Variants in RARB observed in about 807,000 individuals in gnomAD.
The protein encoded by RARB is HBV-activated protein.
A neutral mutation model predicts 51.9 loss-of-function variants in RARB; 17 were observed. That is an observed-to-expected ratio of 0.33 (90% CI 0.22 to 0.49). The LOEUF is 0.49. Among genes scored for constraint, RARB ranks in the 20% least tolerant of loss-of-function variants. The pLI is 0.99. For synonymous variants in RARB, 215 were observed against 195.4 expected, an observed-to-expected ratio of 1.10 and a Z score of -0.84; for missense variants, 369 against 550.8, an observed-to-expected ratio of 0.67 and a Z score of 3.30.
chr3:25,444,127 A>T (rs1708825860), intron 1 of RARB, among the ~76,000 whole-genome samples: 1 of 152,130 alleles, frequency 6.6e-6, no homozygotes, highest in African/African-American at 2.4e-5. Flanking sequence ...GAACCATGTC[A>T]TCTAGTCCTC....
chr3:25,300,272 A>G (rs1300773231), intron 5 of RARB, among the ~76,000 whole-genome samples: 1 of 152,220 alleles, frequency 6.6e-6, no homozygotes, highest in Non-Finnish European at 1.5e-5. Flanking sequence ...CTCAATGTGG[A>G]AAAATGAGTA....
intron 4 of RARB, among the ~76,000 whole-genome samples, chr3:25,146,492 G>GTTTTTTTTTTTTTTTTTTTT: frequency 7.9e-6 from 1 of 126,258 alleles, no homozygotes; most frequent in Non-Finnish European, 1.7e-5. Context: ...AATTTGCTAA[G>GTTTTTTTTTTTTTTTTTTTT]TTTTTTGTTT....
intron 2 of RARB, among the ~76,000 whole-genome samples, chr3:24,873,087 G>T (rs970530689): frequency 7.9e-5 from 12 of 152,190 alleles, no homozygotes; most frequent in African/African-American, 2.9e-4. Flanking sequence ...AAAAAGTGGG[G>T]CTATATTCCA....
At chr3:25,216,354 G>C (rs1400892960) in intron 5 of RARB, among the ~76,000 whole-genome samples, 1 of 152,020 alleles carries the variant, frequency 6.6e-6, no homozygotes, top group Non-Finnish European at 1.5e-5. Context: ...TTTATTGATA[G>C]ACTGGATAAA....
At chr3:25,013,015 A>G (rs1033763463) in intron 2 of RARB, among the ~76,000 whole-genome samples, 1 of 152,082 alleles carries the variant, frequency 6.6e-6, no homozygotes, top group Non-Finnish European at 1.5e-5. Context: ...CTATGGAGAA[A>G]GGGTAGATGC....
chr3:25,209,149 T>A (rs1235675932), intron 5 of RARB, among the ~76,000 whole-genome samples: 1 of 152,218 alleles, frequency 6.6e-6, no homozygotes, highest in Non-Finnish European at 1.5e-5. Context: ...AACTTGGCTT[T>A]GCGTTTTCAT....
At chr3:25,270,222 G>C (rs1163241428) in intron 5 of RARB, among the ~76,000 whole-genome samples, 1 of 152,132 alleles carries the variant, frequency 6.6e-6, no homozygotes, top group Non-Finnish European at 1.5e-5. Context: ...CCAAAAGTTG[G>C]AGTAATCCAA....
intron 5 of RARB, among the ~76,000 whole-genome samples, chr3:25,374,737 A>G (rs1020937050): frequency 6.6e-6 from 1 of 152,172 alleles, no homozygotes; most frequent in Non-Finnish European, 1.5e-5. Flanking sequence ...GCCATCCTCC[A>G]TTGGCTCCCT....
At chr3:25,030,640 T>G (rs1697851715) in intron 2 of RARB, among the ~76,000 whole-genome samples, 1 of 152,086 alleles carries the variant, frequency 6.6e-6, no homozygotes, top group South Asian at 2.1e-4. Context: ...AGAGCAGGAG[T>G]GCCTAAAAGA....
chr3:24,937,271 T>C (rs1695565504), intron 2 of RARB, among the ~76,000 whole-genome samples: 1 of 152,158 alleles, frequency 6.6e-6, no homozygotes, highest in Non-Finnish European at 1.5e-5. Flanking sequence ...TAGTTGCTAC[T>C]CAATTTGGTT....
At chr3:25,213,098 C>T (rs1701738873) in intron 5 of RARB, among the ~76,000 whole-genome samples, 2 of 152,148 alleles carry the variant, frequency 1.3e-5, no homozygotes, top group South Asian at 4.2e-4. Context: ...ATGAAGCATG[C>T]CATCCATATA....
At chr3:25,322,741 A>AG (rs1704608207) in intron 5 of RARB, among the ~76,000 whole-genome samples, 1 of 152,118 alleles carries the variant, frequency 6.6e-6, no homozygotes, top group Non-Finnish European at 1.5e-5. Flanking sequence ...TTTAAGATAA[A>AG]CACTACTTTA....
At chr3:24,981,502 TC>T (rs555924710) in intron 2 of RARB, among the ~76,000 whole-genome samples, 129 of 151,918 alleles carry the variant, frequency 8.5e-4, no homozygotes, top group African/African-American at 3.0e-3. Context: ...TGGACGCCCC[TC>T]CCCCCACCAC....
chr3:25,261,177 G>A (rs1252890414), intron 5 of RARB, among the ~76,000 whole-genome samples: 1 of 152,080 alleles, frequency 6.6e-6, no homozygotes, highest in Non-Finnish European at 1.5e-5. Flanking sequence ...CTCAAGAAGT[G>A]CTAGTTGCTA....
At chr3:24,938,752 C>T (rs986716800) in intron 2 of RARB, among the ~76,000 whole-genome samples, 3 of 152,140 alleles carry the variant, frequency 2.0e-5, no homozygotes, top group African/African-American at 7.2e-5. Flanking sequence ...TGGTAATTTT[C>T]ATTCTGTTCT....
In RARB at chr3:25,198,263, A is replaced by G. The variant is rs138161411; in HGVS notation, c.178+23688A>G. ...TAGACCCCTTCTCTTACCATATACA[A>G]AAATGATATCAAACTGGATTAAAGA... On this transcript the variant is annotated intron_variant, in intron 5 of 11. Transcript: ENST00000383772. Among the ~76,000 whole-genome samples, 58 of 152,234 alleles carry G rather than the reference A, an allele frequency of 3.8e-4. No homozygotes were observed. The East Asian group carries it at 9.1e-3, about 24-fold the overall frequency.
intron 3 of RARB, among the ~76,000 whole-genome samples, chr3:25,094,833 C>T (rs2125318489): frequency 6.6e-6 from 1 of 151,694 alleles, no homozygotes; most frequent in Non-Finnish European, 1.5e-5. Context: ...TGCCAAAGCT[C>T]TGGCCTTTCA....
At chr3:25,531,041 G>A (rs1292743119) in intron 3 of RARB, among the ~76,000 whole-genome samples, 2 of 152,162 alleles carry the variant, frequency 1.3e-5, no homozygotes, top group Admixed American at 1.3e-4. Context: ...AAACACAGGT[G>A]GAGAAATAGA....
chr3:24,926,724 A>G (rs1019126102), intron 2 of RARB, among the ~76,000 whole-genome samples: 12 of 152,024 alleles, frequency 7.9e-5, no homozygotes, highest in Non-Finnish European at 1.2e-4. Flanking sequence ...ACAGGCATAT[A>G]TAAATATATA....
Sources: allele counts gnomAD v4.1 joint callset (sites outside exome capture counted in the v4.1 genomes callset), GRCh38; gene constraint gnomAD v4.1.1; transcripts MANE v1.5; gene names NCBI Gene and HGNC (gene_info 2026-07-23, HGNC 2026-07-21).